The following ADGRB3 variants were observed in gnomAD, a reference collection of about 807,000 sequenced individuals.
The protein encoded by ADGRB3 is adhesion G protein-coupled receptor B3.
Under a neutral mutation model 193.4 loss-of-function variants are expected in ADGRB3, and 37 were observed. The observed-to-expected ratio is 0.19, with a 90% CI of 0.15 to 0.25. ADGRB3 has a LOEUF of 0.25. Ranked by LOEUF, ADGRB3 falls within the 10% of genes least tolerant of loss-of-function variation. The pLI, the probability that ADGRB3 is intolerant of heterozygous loss-of-function variation, is 1.00. For missense variants in ADGRB3, 1,637 were observed against 1,852.9 expected, an observed-to-expected ratio of 0.88 and a Z score of 2.14; for synonymous variants, 690 against 644.2, an observed-to-expected ratio of 1.07 and a Z score of -1.08.
chr6:68,868,025 G>A (rs1326897012), intron 3 of ADGRB3, among the ~76,000 whole-genome samples: 1 of 152,106 alleles, frequency 6.6e-6, no homozygotes, highest in Non-Finnish European at 1.5e-5. Context: ...AGACTATAAG[G>A]GACTGTTGGG....
intron 3 of ADGRB3, among the ~76,000 whole-genome samples, chr6:68,909,194 G>A (rs114102430): frequency 6.6e-6 from 1 of 152,120 alleles, no homozygotes; most frequent in African/African-American, 2.4e-5. Flanking sequence ...CCAAAACTTG[G>A]AAGATAATGT....
rs376685817 is a variant in ADGRB3, at chr6:68,916,481, T to C, written c.758-14078T>C. ...AGATACAGTAATGGACAGTTAATAT[T>C]CCTACTCCTGTGAAGCTCACAGTTC... On this transcript the variant is annotated intron_variant, in intron 3 of 31. Transcript: ENST00000370598. Among the ~76,000 whole-genome samples, 42 of 152,282 alleles carry C rather than the reference T, an allele frequency of 2.8e-4. 1 individual carries two copies. In the East Asian group the frequency reaches 7.3e-3, roughly 27 times the overall value.
chr6:68,674,268 A>G (rs1247718113), intron 3 of ADGRB3, among the ~76,000 whole-genome samples: 1 of 152,172 alleles, frequency 6.6e-6, no homozygotes, highest in Non-Finnish European at 1.5e-5. Flanking sequence ...TTTAGGTAAT[A>G]ACATGAATTA....
intron 17 of ADGRB3, among the ~76,000 whole-genome samples, chr6:69,172,081 A>G (rs1057194783): frequency 1.3e-4 from 20 of 152,186 alleles, no homozygotes; most frequent in African/African-American, 4.6e-4. Context: ...TGTTGAGGAT[A>G]GTGGAGCAGA....
intron 13 of ADGRB3, among the ~76,000 whole-genome samples, chr6:69,025,680 G>GA (rs918620933): frequency 7.9e-5 from 12 of 151,312 alleles, no homozygotes; most frequent in Middle Eastern, 3.4e-3. Flanking sequence ...TGTAGGTCAG[G>GA]AAAAAAAATA....
chr6:69,147,110 C>T (rs1774524521), intron 17 of ADGRB3, among the ~76,000 whole-genome samples: 1 of 151,682 alleles, frequency 6.6e-6, no homozygotes, highest in Non-Finnish European at 1.5e-5. Flanking sequence ...TTGCATTTAT[C>T]TTTTGTGTTG....
At chr6:69,199,721 A>G (rs1765379749) in intron 17 of ADGRB3, among the ~76,000 whole-genome samples, 1 of 152,238 alleles carries the variant, frequency 6.6e-6, no homozygotes, top group East Asian at 1.9e-4. Context: ...ATGTGGAATT[A>G]TAGAAAGATC....
chr6:69,253,734 AAT>A (rs1766681094), intron 20 of ADGRB3, among the ~76,000 whole-genome samples: 1 of 152,090 alleles, frequency 6.6e-6, no homozygotes, highest in African/African-American at 2.4e-5. Flanking sequence ...TTGCTTCCTA[AAT>A]ATGTTTTCTA....
At chr6:68,828,184 T>G (rs1174213638) in intron 3 of ADGRB3, among the ~76,000 whole-genome samples, 2 of 143,020 alleles carry the variant, frequency 1.4e-5, no homozygotes, top group East Asian at 5.9e-4. Context: ...ATAATACAGG[T>G]GCCTTTTTTT....
At chr6:68,740,668 T>C (rs2127340574) in intron 3 of ADGRB3, among the ~76,000 whole-genome samples, 1 of 152,322 alleles carries the variant, frequency 6.6e-6, no homozygotes, top group South Asian at 2.1e-4. Context: ...TATTATAATA[T>C]ATGCATGCAA....
intron 3 of ADGRB3, among the ~76,000 whole-genome samples, chr6:68,847,648 C>T (rs1381189876): frequency 1.3e-5 from 2 of 152,154 alleles, no homozygotes; most frequent in Admixed American, 1.3e-4. Context: ...TGAGACCTCC[C>T]CAGCCATGTG....
chr6:68,809,392 A>G (rs769754282), intron 3 of ADGRB3, among the ~76,000 whole-genome samples: 1 of 152,224 alleles, frequency 6.6e-6, no homozygotes, highest in African/African-American at 2.4e-5. Flanking sequence ...ATGCCAACAT[A>G]TTTACTATAA....
At chr6:69,383,667 C>T (rs1363908147) in intron 31 of ADGRB3, among the ~76,000 whole-genome samples, 5 of 151,980 alleles carry the variant, frequency 3.3e-5, no homozygotes, top group Non-Finnish European at 7.4e-5. Flanking sequence ...TTCTAAACTC[C>T]AATTTCACCC....
chr6:69,264,621 C>T (rs914923643), intron 20 of ADGRB3, among the ~76,000 whole-genome samples: 25 of 151,874 alleles, frequency 1.6e-4, no homozygotes, highest in Non-Finnish European at 2.5e-4. Context: ...CTCAGACTTG[C>T]ATTCTCGCTC....
At chr6:68,834,958 A>C (rs1768018952) in intron 3 of ADGRB3, among the ~76,000 whole-genome samples, 1 of 152,134 alleles carries the variant, frequency 6.6e-6, no homozygotes. Flanking sequence ...GTATAATTGA[A>C]AATATGTGAG....
At chr6:69,212,598 A>G (rs1374986262) in intron 17 of ADGRB3, among the ~76,000 whole-genome samples, 1 of 152,164 alleles carries the variant, frequency 6.6e-6, no homozygotes, top group Non-Finnish European at 1.5e-5. Flanking sequence ...ACATTCATCA[A>G]ATTGCACTGC....
chr6:69,177,238 A>T (rs777988323), intron 17 of ADGRB3, among the ~76,000 whole-genome samples: 2 of 151,520 alleles, frequency 1.3e-5, no homozygotes, highest in African/African-American at 2.4e-5. Flanking sequence ...AATCTTTTTA[A>T]CTTCTTGAGA....
At chr6:69,275,469 T>G (rs1767282759) in intron 20 of ADGRB3, among the ~76,000 whole-genome samples, 1 of 152,096 alleles carries the variant, frequency 6.6e-6, no homozygotes, top group Non-Finnish European at 1.5e-5. Context: ...ATGCAAGGCG[T>G]TTTTTAACTT....
At chr6:69,210,879 G>A (rs1164666876) in intron 17 of ADGRB3, among the ~76,000 whole-genome samples, 3 of 152,068 alleles carry the variant, frequency 2.0e-5, no homozygotes, top group African/African-American at 7.2e-5. Flanking sequence ...ACTTTGGGAG[G>A]CCGAGGCTGG....
Sources: allele counts gnomAD v4.1 joint callset (sites outside exome capture counted in the v4.1 genomes callset), GRCh38; gene constraint gnomAD v4.1.1; transcripts MANE v1.5; gene names NCBI Gene and HGNC (gene_info 2026-07-23, HGNC 2026-07-21).